The following GMDS variants were observed in gnomAD, a reference collection of about 807,000 sequenced individuals.
GMDS encodes GDP-mannose 4,6-dehydratase, also known as GDP-mannose 4,6 dehydratase.
In GMDS, 20 loss-of-function variants were observed where a neutral mutation model predicts 49.9. That is an observed-to-expected ratio of 0.40 (90% CI 0.28 to 0.58). The LOEUF (loss-of-function observed/expected upper bound fraction) is 0.58, where lower values mean the gene tolerates loss of function less well. Ranked by LOEUF, GMDS falls within the 20% of genes least tolerant of loss-of-function variation. The pLI is 0.42. For missense variants in GMDS, 362 were observed against 481.4 expected (o/e 0.75, Z 2.32); for synonymous variants, 177 against 178.6 (o/e 0.99, Z 0.07).
At chr6:1,963,506 G>A (rs1413429119) in intron 4 of GMDS, among the ~76,000 whole-genome samples, 1 of 152,074 alleles carries the variant, frequency 6.6e-6, no homozygotes, top group Admixed American at 6.6e-5. Context: ...TATTCCAAGA[G>A]TTTTATAGTT....
intron 9 of GMDS, among the ~76,000 whole-genome samples, chr6:1,659,454 C>T (rs1175207952): frequency 6.6e-6 from 1 of 152,082 alleles, no homozygotes; most frequent in Non-Finnish European, 1.5e-5. Flanking sequence ...TCCCAGTCCT[C>T]CCAGTTACAG....
intron 1 of GMDS, among the ~76,000 whole-genome samples, chr6:2,129,439 C>T (rs1463491067): frequency 1.3e-5 from 2 of 152,174 alleles, no homozygotes; most frequent in African/African-American, 4.8e-5. Flanking sequence ...CTCTGAACTG[C>T]ATGCTAAATC....
At chr6:2,041,815 T>C (rs1769701820) in intron 4 of GMDS, among the ~76,000 whole-genome samples, 1 of 152,182 alleles carries the variant, frequency 6.6e-6, no homozygotes. Context: ...GTAAAAATGG[T>C]AGAAAGTCTA....
At chr6:1,815,581 TTTTTG>T (rs1770625568) in intron 7 of GMDS, among the ~76,000 whole-genome samples, 1 of 152,220 alleles carries the variant, frequency 6.6e-6, no homozygotes, top group South Asian at 2.1e-4. Flanking sequence ...ACAGTCTAAA[TTTTTG>T]TTTTCTCCTT....
At chr6:1,625,959 C>G (rs943773876) in intron 9 of GMDS, among the ~76,000 whole-genome samples, 2 of 152,230 alleles carry the variant, frequency 1.3e-5, no homozygotes, top group Non-Finnish European at 2.9e-5. Flanking sequence ...GGAGTTTCAT[C>G]GTGTGAAAGT....
chr6:1,748,915 T>C (rs953619139), intron 7 of GMDS, among the ~76,000 whole-genome samples: 4 of 152,252 alleles, frequency 2.6e-5, no homozygotes, highest in African/African-American at 9.6e-5. Flanking sequence ...TTCCTTTTCT[T>C]CTTCTTGCAA....
At chr6:1,724,597 T>G (rs978899723) in intron 9 of GMDS, among the ~76,000 whole-genome samples, 1 of 152,242 alleles carries the variant, frequency 6.6e-6, no homozygotes, top group Non-Finnish European at 1.5e-5. Flanking sequence ...GTAAATTTCC[T>G]TCTCTGAGAT....
At position 1,930,557 on chromosome 6, in the gene GMDS, A is replaced by G. The variant is rs375857241; in HGVS notation, c.644-327T>C. The G allele has an allele frequency of 3.4e-5, 7 of 204,306 alleles. No individual in the cohort carries two copies. In the East Asian group the frequency reaches 6.9e-4, roughly 20 times the overall value. 12.7% of individuals were successfully genotyped at this position (204,306 alleles called of 1,614,324 possible). ...AAAAGCTGTTGGAATGCCAGTTTTT[A>G]AACAGAAAATTCAAAAGGGTTGTAT... On this transcript the variant is annotated intron_variant, in intron 6 of 10. Coordinates refer to ENST00000380815, the MANE Select transcript of GMDS (RefSeq NM_001500.4).
chr6:1,844,166 A>G (rs1370231195), intron 7 of GMDS, among the ~76,000 whole-genome samples: 2 of 152,230 alleles, frequency 1.3e-5, no homozygotes, highest in Non-Finnish European at 2.9e-5. Flanking sequence ...TATTATCCCC[A>G]AAGTCCACAA....
chr6:2,026,644 A>T (rs1197336100), intron 4 of GMDS, among the ~76,000 whole-genome samples: 3 of 152,208 alleles, frequency 2.0e-5, no homozygotes, highest in Non-Finnish European at 4.4e-5. Context: ...CATTTCCTAA[A>T]GTGCTCACAG....
intron 7 of GMDS, among the ~76,000 whole-genome samples, chr6:1,807,023 C>G (rs1175195656): frequency 6.6e-6 from 1 of 152,018 alleles, no homozygotes; most frequent in Admixed American, 6.6e-5. Context: ...AGTTTTTATG[C>G]TTTGAAAAAG....
chr6:1,758,962 G>A (rs1015572491), intron 7 of GMDS, among the ~76,000 whole-genome samples: 23 of 152,168 alleles, frequency 1.5e-4, no homozygotes, highest in African/African-American at 5.1e-4. Context: ...TCACTGTGTC[G>A]CCCAGGCTGG....
chr6:1,996,055 CTTCTT>C (rs992795731), intron 4 of GMDS, among the ~76,000 whole-genome samples: 1 of 152,074 alleles, frequency 6.6e-6, no homozygotes, highest in Non-Finnish European at 1.5e-5. Flanking sequence ...GGGATAGCCT[CTTCTT>C]TTCTTTTCTT....
At chr6:1,725,131 C>CG (rs1554112262) in intron 9 of GMDS, among the ~76,000 whole-genome samples, 1 of 152,022 alleles carries the variant, frequency 6.6e-6, no homozygotes, top group Non-Finnish European at 1.5e-5. Flanking sequence ...AAAATGGTTT[C>CG]AAAAAATTCA....
intron 1 of GMDS, among the ~76,000 whole-genome samples, chr6:2,193,536 T>C (rs1779144468): frequency 6.6e-6 from 1 of 152,186 alleles, no homozygotes; most frequent in South Asian, 2.1e-4. Flanking sequence ...CAAGTTCTCC[T>C]GGCAAACAAC....
At chr6:2,054,833 T>C (rs1770689047) in intron 4 of GMDS, among the ~76,000 whole-genome samples, 1 of 151,616 alleles carries the variant, frequency 6.6e-6, no homozygotes, top group Admixed American at 6.6e-5. Flanking sequence ...AAAAACCACA[T>C]GATCCATTTT....
chr6:2,172,670 C>T (rs1389605355), intron 1 of GMDS, among the ~76,000 whole-genome samples: 4 of 151,586 alleles, frequency 2.6e-5, no homozygotes, highest in South Asian at 2.1e-4. Context: ...CCAGCCTGGG[C>T]GACACAGTGA....
At chr6:1,994,442 A>G (rs1203555115) in intron 4 of GMDS, among the ~76,000 whole-genome samples, 1 of 152,146 alleles carries the variant, frequency 6.6e-6, no homozygotes, top group African/African-American at 2.4e-5. Flanking sequence ...AATTTTCACA[A>G]AGCATCAAGA....
chr6:2,235,224 G>A (rs1287236700), intron 1 of GMDS, among the ~76,000 whole-genome samples: 3 of 152,212 alleles, frequency 2.0e-5, no homozygotes, highest in South Asian at 2.1e-4. Flanking sequence ...TGATGGGGAA[G>A]CAGGCATATT....
Sources: gnomAD v4.1 joint callset for allele counts (sites outside exome capture counted in the v4.1 genomes callset) on GRCh38, gnomAD v4.1.1 for gene constraint, MANE v1.5 for transcripts, NCBI Gene and HGNC (gene_info 2026-07-23, HGNC 2026-07-21) for gene names.